Variants in MYH11 observed in about 807,000 individuals in gnomAD.
MYH11 encodes the protein myosin heavy chain 11, also known as myosin-11.
In MYH11, 80 loss-of-function variants were observed where a neutral mutation model predicts 246.6. That is an observed-to-expected ratio of 0.32 (90% CI 0.27 to 0.39). The LOEUF is 0.39. Ranked by LOEUF, MYH11 falls within the 10% of genes least tolerant of loss-of-function variation. The pLI, the probability that MYH11 is intolerant of heterozygous loss-of-function variation, is 1.00. For missense variants in MYH11, 2,158 were observed against 2,546.8 expected, an observed-to-expected ratio of 0.85 and a Z score of 3.29; for synonymous variants, 1,071 against 1,015.5, an observed-to-expected ratio of 1.05 and a Z score of -1.04.
chr16:15,803,750 G>C (rs2042943351), intron 3 of MYH11, among the ~76,000 whole-genome samples: 1 of 152,152 alleles, frequency 6.6e-6, no homozygotes, highest in South Asian at 2.1e-4. Context: ...GTGAATCCTA[G>C]GCCCAGAGCA....
chr16:15,763,543 G>A (rs2041913658), intron 10 of MYH11, among the ~76,000 whole-genome samples: 4 of 151,608 alleles, frequency 2.6e-5, no homozygotes, highest in Admixed American at 2.6e-4. Flanking sequence ...GTAAAATTTT[G>A]TATTTAAAAA....
intron 40 of MYH11, among the ~76,000 whole-genome samples, chr16:15,707,003 C>T (rs2039491841): frequency 6.6e-6 from 1 of 152,104 alleles, no homozygotes; most frequent in Non-Finnish European, 1.5e-5. Context: ...CTAAGGGACC[C>T]CCCTAAAGGT....
At chr16:15,796,043 C>G (rs2151319248) in intron 4 of MYH11, among the ~76,000 whole-genome samples, 1 of 152,176 alleles carries the variant, frequency 6.6e-6, no homozygotes, top group East Asian at 1.9e-4. Context: ...GCAATGGGAG[C>G]AGGGAGCTTA....
intron 40 of MYH11, among the ~76,000 whole-genome samples, chr16:15,707,945 G>A (rs2039548740): frequency 1.5e-5 from 2 of 133,682 alleles, no homozygotes; most frequent in Non-Finnish European, 3.1e-5. Flanking sequence ...GCACTCCAGA[G>A]CGAGACTCCG....
At chr16:15,836,144 T>G (rs1251722938) in intron 2 of MYH11, among the ~76,000 whole-genome samples, 1 of 152,110 alleles carries the variant, frequency 6.6e-6, no homozygotes, top group Non-Finnish European at 1.5e-5. Flanking sequence ...GAGCAAGGCC[T>G]TTCAGAGAGA....
chr16:15,843,223 T>C (rs183570496), intron 1 of MYH11, among the ~76,000 whole-genome samples: 2 of 151,508 alleles, frequency 1.3e-5, no homozygotes, highest in Admixed American at 6.6e-5. Context: ...ATACAAAAAT[T>C]AGCTGGGCAT....
In MYH11 at chr16:15,720,303, A is replaced by C; in HGVS notation, c.4801T>G (p.Tyr1601Asp). Reference sequence around the variant, plus strand: ...CGCTCGTCTTCCAGTTCCGTCTCATACTCGTGAAGCTGGGCGAGGAATAGA... The same window carrying C: ...CGCTCGTCTTCCAGTTCCGTCTCATCCTCGTGAAGCTGGGCGAGGAATAGA... ...RRQLQRQLHE[Y>D]ETELEDERKQ... The change falls in exon 34 of 41, where the codon TAT becomes GAT. Residue 1601 changes from tyrosine to aspartate, a missense_variant. Coordinates refer to ENST00000300036, the MANE Select transcript of MYH11 (RefSeq NM_002474.3). 6.2e-7 allele frequency: 1 copy of C among 1,613,764 alleles called. No homozygotes were observed. The highest frequency in any genetic ancestry group is 8.5e-7 in the Non-Finnish European group (1 of 1,179,942).
intron 7 of MYH11, among the ~76,000 whole-genome samples, chr16:15,778,054 G>A (rs756203802): frequency 3.9e-5 from 6 of 152,250 alleles, no homozygotes; most frequent in Middle Eastern, 6.8e-3. Context: ...TGCCAAGCAC[G>A]TGTTCCACAG....
chr16:15,742,911 C>T (rs2041315266), intron 20 of MYH11, among the ~76,000 whole-genome samples: 1 of 146,764 alleles, frequency 6.8e-6, no homozygotes, highest in Non-Finnish European at 1.5e-5. Flanking sequence ...GAACTCCTGG[C>T]CTCAAGCGAT....
At chr16:15,771,399 A>G (rs1190129544) in intron 9 of MYH11, among the ~76,000 whole-genome samples, 170 bp downstream of exon 9, 2 of 150,688 alleles carry the variant, frequency 1.3e-5, no homozygotes, top group African/African-American at 4.9e-5. Flanking sequence ...TTTCTACAAC[A>G]CAAACAAACC....
chr16:15,837,650 C>T (rs1381125743), intron 2 of MYH11, among the ~76,000 whole-genome samples: 1 of 151,630 alleles, frequency 6.6e-6, no homozygotes, highest in Non-Finnish European at 1.5e-5. Context: ...TTCCTCTGCC[C>T]CAGCCTCCCC....
At chr16:15,845,331 A>G (rs1002625284) in intron 1 of MYH11, among the ~76,000 whole-genome samples, 2 of 142,418 alleles carry the variant, frequency 1.4e-5, no homozygotes, top group Admixed American at 7.3e-5. Flanking sequence ...ATCAGCTATC[A>G]TTAGTGCTAG....
chr16:15,833,443 G>A (rs1259423017), intron 2 of MYH11, among the ~76,000 whole-genome samples: 1 of 144,140 alleles, frequency 6.9e-6, no homozygotes, highest in Non-Finnish European at 1.5e-5. Flanking sequence ...CGAGGCAGAC[G>A]AACTCAGCCA....
At chr16:15,714,747 G>T in intron 40 of MYH11, 162 bp downstream of exon 40, 1 of 916,678 alleles carries the variant, frequency 1.1e-6, no homozygotes, top group Non-Finnish European at 1.7e-6. Flanking sequence ...CTCAGTGCCT[G>T]GCCCACACTA....
chr16:15,812,119 G>A (rs1796773159), intron 3 of MYH11, among the ~76,000 whole-genome samples: 1 of 152,166 alleles, frequency 6.6e-6, no homozygotes, highest in African/African-American at 2.4e-5. Flanking sequence ...GTGGGATTGA[G>A]GGGGATCCCT....
At chr16:15,725,251 T>C (rs2040697947) in intron 28 of MYH11, 2 of 596,406 alleles carry the variant, frequency 3.4e-6, no homozygotes, top group Admixed American at 3.0e-5. Context: ...AAGAACTTAT[T>C]TGAGCCCCAA....
intron 35 of MYH11, 114 bp downstream of exon 35, chr16:15,719,471 A>C: frequency 6.4e-7 from 1 of 1,550,396 alleles, no homozygotes; most frequent in Non-Finnish European, 8.8e-7. Flanking sequence ...CTTTCTAGAC[A>C]GGTGGACCCC....
In MYH11 at chr16:15,798,608, T is replaced by TAAAAAAAAAA. The variant is rs374559754; in HGVS notation, c.530+42_530+51dup. 6.2e-4 allele frequency: 645 copies of TAAAAAAAAAA among 1,035,800 alleles called. 1 individual carries two copies. The highest frequency in any genetic ancestry group is 3.0e-3 in the African/African-American group (85 of 28,520). 64.2% of individuals were successfully genotyped at this position (1,035,800 alleles called of 1,614,324 possible). On this transcript the variant is annotated intron_variant, in intron 4 of 40. Transcript: ENST00000300036. Reference sequence around the variant, plus strand: ...CATAGGTTGGATCTCGACTACAGATTAAAAAAAAAAAAAAACAAAAAAAAA... The same window carrying TAAAAAAAAAA: ...CATAGGTTGGATCTCGACTACAGATTAAAAAAAAAAAAAAAAAAAAAAAAACAAAAAAAAA...
At chr16:15,797,583 T>TAC (rs2042772941) in intron 4 of MYH11, among the ~76,000 whole-genome samples, 1 of 148,404 alleles carries the variant, frequency 6.7e-6, no homozygotes, top group African/African-American at 2.4e-5. Context: ...TAATACATAT[T>TAC]ATATATTATG....
Sources: gnomAD v4.1 joint callset for allele counts (sites outside exome capture counted in the v4.1 genomes callset) on GRCh38, gnomAD v4.1.1 for gene constraint, MANE v1.5 for transcripts, NCBI Gene and HGNC (gene_info 2026-07-23, HGNC 2026-07-21) for gene names.